The following PTBP2 variants were observed in gnomAD, a reference collection of about 807,000 sequenced individuals.
PTBP2 encodes polypyrimidine tract binding protein 2, also known as polypyrimidine tract-binding protein 2.
PTBP2 carries 13 observed loss-of-function variants against 61.4 expected under a neutral mutation model. That is an observed-to-expected ratio of 0.21 (90% CI 0.14 to 0.34). The LOEUF (loss-of-function observed/expected upper bound fraction) is 0.34, where lower values mean the gene tolerates loss of function less well. Ranked by LOEUF, PTBP2 falls within the 10% of genes least tolerant of loss-of-function variation. PTBP2 has a pLI of 1.00. For missense variants in PTBP2, 405 were observed against 642.6 expected, an observed-to-expected ratio of 0.63 and a Z score of 4.00; for synonymous variants, 215 against 218.5, an observed-to-expected ratio of 0.98 and a Z score of 0.14.
intron 5 of PTBP2, among the ~76,000 whole-genome samples, chr1:96,777,335 A>G (rs1019356341): frequency 1.3e-5 from 2 of 152,200 alleles, no homozygotes; most frequent in Non-Finnish European, 2.9e-5. Flanking sequence ...TACATATCAT[A>G]CCTTTGCATG....
At chr1:96,754,533 T>C (rs1654939091) in intron 3 of PTBP2, among the ~76,000 whole-genome samples, 1 of 152,064 alleles carries the variant, frequency 6.6e-6, no homozygotes, top group South Asian at 2.1e-4. Flanking sequence ...GTAATCTCAT[T>C]TAAAAAGATA....
intron 3 of PTBP2, among the ~76,000 whole-genome samples, chr1:96,766,142 G>GT (rs1393544642): frequency 7.2e-5 from 11 of 152,260 alleles, no homozygotes; most frequent in African/African-American, 2.6e-4. Flanking sequence ...TGAAAAACTG[G>GT]TTTTGAGTTT....
chr1:96,761,623 A>G (rs1372261901), intron 3 of PTBP2, among the ~76,000 whole-genome samples: 1 of 152,206 alleles, frequency 6.6e-6, no homozygotes, highest in Non-Finnish European at 1.5e-5. Context: ...TTTGTCTTAG[A>G]ATCACTGGGT....
chr1:96,741,057 G>C (rs1442196456), intron 2 of PTBP2, among the ~76,000 whole-genome samples: 1 of 151,156 alleles, frequency 6.6e-6, no homozygotes, highest in Non-Finnish European at 1.5e-5. Context: ...GTAGATTCTT[G>C]TTTCTATACA....
intron 2 of PTBP2, among the ~76,000 whole-genome samples, chr1:96,727,720 A>G (rs1650781461): frequency 6.6e-6 from 1 of 152,000 alleles, no homozygotes; most frequent in Admixed American, 6.6e-5. Flanking sequence ...TCTTTAGCCC[A>G]ATTTTTTATT....
chr1:96,805,566 T>C (rs1661421580), intron 9 of PTBP2, among the ~76,000 whole-genome samples: 1 of 152,100 alleles, frequency 6.6e-6, no homozygotes, highest in Admixed American at 6.6e-5. Flanking sequence ...GTTATTTTCT[T>C]TAGTTGTACA....
chr1:96,729,362 T>G (rs1257564315), intron 2 of PTBP2, among the ~76,000 whole-genome samples: 1 of 152,192 alleles, frequency 6.6e-6, no homozygotes, highest in Non-Finnish European at 1.5e-5. Context: ...TATACCCAAT[T>G]GTTTTTAAAT....
chr1:96,736,471 T>C (rs1652197289), intron 2 of PTBP2, among the ~76,000 whole-genome samples: 1 of 152,122 alleles, frequency 6.6e-6, no homozygotes, highest in Admixed American at 6.5e-5. Flanking sequence ...TGTTGTCAGT[T>C]ACAGTAGCTA....
rs570400800 is a variant in PTBP2 at position 96,762,470 on chromosome 1, C to T, written c.116-7233C>T. On this transcript the variant is annotated intron_variant, in intron 3 of 13. Transcript: ENST00000674951. ...CTGACCCCCCCACCTCCCTCCCGGA[C>T]GGGGCGGCTGGCCGGGCTGGGGGCT... Among the ~76,000 whole-genome samples the T allele has an allele frequency of 9.5e-3, 1,294 of 136,248 alleles. 12 individuals are homozygous for T. Among genetic ancestry groups the T allele is most frequent in the South Asian group, 0.037 (153 of 4,156 alleles). The allele number at this position is 136,248 out of a possible 152,430, so 89.4% of individuals were successfully genotyped here. A position where few individuals can be genotyped will look rare whatever the true frequency, so the allele number is the denominator to read the frequency against.
chr1:96,735,408 TTGAACAGGTTAACC>T (rs1180264769), intron 2 of PTBP2, among the ~76,000 whole-genome samples: 4 of 152,332 alleles, frequency 2.6e-5, no homozygotes, highest in African/African-American at 7.2e-5. Flanking sequence ...TTTTATAGCA[TTGAACAGGTTAACC>T]TCTGAGCTTC....
At chr1:96,740,393 C>T (rs1652842054) in intron 2 of PTBP2, among the ~76,000 whole-genome samples, 1 of 152,104 alleles carries the variant, frequency 6.6e-6, no homozygotes, top group African/African-American at 2.4e-5. Flanking sequence ...GTGGCAGAAG[C>T]TCTCTGGTAT....
rs531050981 is a variant in PTBP2 at position 96,734,727 on chromosome 1, G to C, written c.39+11133G>C. 5.9e-5 allele frequency among the ~76,000 whole-genome samples: 9 copies of C among 151,852 alleles called. No homozygotes were observed. The East Asian group carries it at 1.7e-3, about 29-fold the overall frequency. ...CAGTAAATTGGTAGTTAGATCTAGAGACTTGCTCAGGGTCTCTATTTTTTT... is the reference window on the plus strand; with the variant it reads ...CAGTAAATTGGTAGTTAGATCTAGACACTTGCTCAGGGTCTCTATTTTTTT... On this transcript the variant is annotated intron_variant, in intron 2 of 13. Coordinates refer to ENST00000674951, the MANE Select transcript of PTBP2 (RefSeq NM_021190.4).
In PTBP2 at chr1:96,763,599, GGAGGGA is replaced by G. The variant is rs567887523; in HGVS notation, c.116-6102_116-6097del. 7.0e-5 allele frequency among the ~76,000 whole-genome samples: 9 copies of G among 129,210 alleles called. No homozygotes were observed. The East Asian group carries it at 9.3e-4, about 13-fold the overall frequency. 84.8% of individuals were successfully genotyped at this position (129,210 alleles called of 152,430 possible). ...GAGGGAGAGGGAGACCGTGGGGAGA[GGAGGGA>G]GGGGGAGGGGGAGGGGGAGGGGGAG... is the stretch of plus-strand genomic sequence containing the variant. On this transcript the variant is annotated intron_variant, in intron 3 of 13. Transcript: ENST00000674951.
chr1:96,821,105 C>A (rs1662670606), exon 14 of PTBP2: 1 of 152,064 alleles, frequency 6.6e-6, no homozygotes, highest in South Asian at 2.1e-4. Context: ...TAGTACATGT[C>A]TTTTCTGTCT....
At chr1:96,727,457 T>C (rs923910537) in intron 2 of PTBP2, among the ~76,000 whole-genome samples, 1 of 152,254 alleles carries the variant, frequency 6.6e-6, no homozygotes, top group African/African-American at 2.4e-5. Context: ...TATGTTTAAC[T>C]TTTTAAGGAA....
intron 3 of PTBP2, among the ~76,000 whole-genome samples, chr1:96,760,627 AG>A (rs1410759866): frequency 2.0e-5 from 3 of 151,778 alleles, no homozygotes; most frequent in Non-Finnish European, 4.4e-5. Context: ...TTGTATTTTT[AG>A]TAGAGACTGG....
rs370809577 is a variant in PTBP2, at chr1:96,723,608, A to G, written c.39+14A>G. On this transcript the variant is annotated intron_variant, in intron 2 of 13. Transcript: ENST00000674951. Reference sequence around the variant, plus strand: ...GTTGGCGTGAAGGTAGGAAAATACTATGTTTGAAACTGGGATTGTTGGATC... The same window carrying G: ...GTTGGCGTGAAGGTAGGAAAATACTGTGTTTGAAACTGGGATTGTTGGATC... 3.9e-5 allele frequency: 61 copies of G among 1,563,998 alleles called. No homozygotes were observed. Among genetic ancestry groups the G allele is most frequent in the East Asian group, 1.6e-4 (7 of 44,148 alleles).
At chr1:96,730,350 C>G (rs1454758143) in intron 2 of PTBP2, among the ~76,000 whole-genome samples, 2 of 152,078 alleles carry the variant, frequency 1.3e-5, no homozygotes, top group African/African-American at 4.8e-5. Context: ...CTGTATGTTT[C>G]CCTTTTAAGT....
Position 96,782,529 on chromosome 1 carries a change from T to G in PTBP2, c.709-2530T>G, listed in dbSNP as rs185019807. ...GGAGAATTTATGATGAAATCAGTGG[T>G]TTTAGGATGCTTTAGGAAAATCCTG... On this transcript the variant is annotated intron_variant, in intron 7 of 13. Coordinates refer to ENST00000674951, the MANE Select transcript of PTBP2 (RefSeq NM_021190.4). Among the ~76,000 whole-genome samples, 61 of 152,142 alleles carry G rather than the reference T, an allele frequency of 4.0e-4. 1 individual carries two copies. The highest frequency in any genetic ancestry group is 4.4e-5 in the Non-Finnish European group (3 of 67,894).
Sources: allele counts gnomAD v4.1 joint callset (sites outside exome capture counted in the v4.1 genomes callset), GRCh38; gene constraint gnomAD v4.1.1; transcripts MANE v1.5; gene names NCBI Gene and HGNC (gene_info 2026-07-23, HGNC 2026-07-21).